The following KLHL26 variants were observed in gnomAD, a reference collection of about 807,000 sequenced individuals.
KLHL26 encodes the protein kelch-like protein 26.
In KLHL26, 4 loss-of-function variants were observed where a neutral mutation model predicts 7.1. That is an observed-to-expected ratio of 0.56 (90% CI 0.28 to 1.28). The LOEUF is 1.28. KLHL26 is among the 50% of genes most tolerant of loss of function. KLHL26 has a pLI of 0.11. For missense variants in KLHL26, 896 were observed against 924.6 expected (o/e 0.97, Z 0.40); for synonymous variants, 465 against 414.1 (o/e 1.12, Z -1.49).
rs2052336729 is a variant in KLHL26 at position 18,656,631 on chromosome 19, T to C, written c.84-7630T>C. ...CCTCCTTCGCAGGGGTCAGAGGGCA[T>C]CCATGCAGGACGCTGTGTGAGTTGG... On this transcript the variant is annotated intron_variant, in intron 1 of 2. Transcript: ENST00000300976. This position sits in a 1 kb window ranked among gnomAD's most constrained non-coding sequence, Gnocchi z 4.4. 6.6e-6 allele frequency among the ~76,000 whole-genome samples: 1 copy of C among 151,400 alleles called. No individual in the cohort carries two copies.
chr19:18,647,820 C>T (rs1429419777), intron 1 of KLHL26, among the ~76,000 whole-genome samples: 1 of 152,174 alleles, frequency 6.6e-6, no homozygotes, highest in Non-Finnish European at 1.5e-5. Context: ...CCGGCATCCC[C>T]AGCTCTTTGC....
In KLHL26 at chr19:18,667,704, G is replaced by A. The variant is rs144914430; in HGVS notation, c.307G>A (p.Val103Ile). 2.5e-5 allele frequency: 40 copies of A among 1,612,978 alleles called. No individual in the cohort carries two copies. The African/African-American group carries it at 3.5e-4, about 14-fold the overall frequency. ...CGGCATGCGGGAGGCAAGCCAGGAC[G>A]TCATCGAGCTGAAGGGCGTGTCGGC... ...TGGMREASQDVIELKGVSARG... is the reference protein window; with the variant it reads ...TGGMREASQDIIELKGVSARG... Residue 103 changes from valine (V) to isoleucine (I), a missense_variant, in exon 3 of 3, where the codon GTC becomes ATC. Transcript: ENST00000300976.
At position 18,669,182 on chromosome 19, in the gene KLHL26, G is replaced by C; in HGVS notation, c.1785G>C (p.Pro595=). The part of the protein sequence containing the change: ...TDEWERDLHF[P]ESFAGIACAP... ...AGTGGGAGCGGGACCTGCACTTCCC[G>C]GAGTCCTTCGCAGGCATAGCCTGCG... The change falls in exon 3 of 3, where the codon CCG becomes CCC. Residue 595 remains proline, a synonymous_variant. Coordinates refer to ENST00000300976, the MANE Select transcript of KLHL26 (RefSeq NM_018316.3). 6 of 1,612,600 alleles carry C rather than the reference G, an allele frequency of 3.7e-6. No homozygotes were observed. The highest frequency in any genetic ancestry group is 5.1e-6 in the Non-Finnish European group (6 of 1,179,956).
intron 1 of KLHL26, chr19:18,644,504 G>T (rs1976767398): frequency 6.6e-6 from 1 of 152,164 alleles, no homozygotes; most frequent in Admixed American, 6.6e-5. Context: ...TGTTTCTCTG[G>T]TGCCTTGAGG....
chr19:18,645,159 A>G (rs1976779946), intron 1 of KLHL26, among the ~76,000 whole-genome samples: 1 of 152,092 alleles, frequency 6.6e-6, no homozygotes, highest in African/African-American at 2.4e-5. Flanking sequence ...TCCTTGCTGC[A>G]AGCACAAAGG....
intron 1 of KLHL26, among the ~76,000 whole-genome samples, chr19:18,654,680 T>C (rs898543540): frequency 1.3e-5 from 2 of 151,236 alleles, no homozygotes; most frequent in Non-Finnish European, 3.0e-5. Flanking sequence ...CACCTATCCA[T>C]CTACCCACCC....
rs1434350971 is a variant in KLHL26 at position 18,668,743 on chromosome 19, G to C, written c.1346G>C (p.Arg449Pro). 1 of 1,585,428 alleles carries C rather than the reference G, an allele frequency of 6.3e-7. No individual in the cohort carries two copies. Among genetic ancestry groups the C allele is most frequent in the Non-Finnish European group, 8.5e-7 (1 of 1,172,926 alleles). ...GGCTACGCCTGCTCGCTGAAGCGCCGTACCTGGGGCCATGCTGGGGCCGCC... is the reference window on the plus strand; with the variant it reads ...GGCTACGCCTGCTCGCTGAAGCGCCCTACCTGGGGCCATGCTGGGGCCGCC... ...EWGYACSLKR[R>P]TWGHAGAASG... The change falls in exon 3 of 3, where the codon CGT (arginine) becomes CCT (proline). Residue 449 changes from arginine to proline, a missense_variant. Arg to Pro is a moderately radical substitution (Grantham distance 103). Transcript: ENST00000300976.
Position 18,666,339 on chromosome 19 carries a change from C to T in KLHL26, c.267-1325C>T, listed in dbSNP as rs536592487. On this transcript the variant is annotated intron_variant, in intron 2 of 2. Transcript: ENST00000300976. ...GACTAGGGGACAGGCCTCTGTGGGTCAAATGCACAAGGGATGTTCCCTCCT... is the reference window on the plus strand; with the variant it reads ...GACTAGGGGACAGGCCTCTGTGGGTTAAATGCACAAGGGATGTTCCCTCCT... 3.3e-5 allele frequency among the ~76,000 whole-genome samples: 5 copies of T among 152,178 alleles called. No individual in the cohort carries two copies. In the South Asian group the frequency reaches 1.0e-3, roughly 32 times the overall value.
At chr19:18,651,588 A>G (rs1471311325) in intron 1 of KLHL26, among the ~76,000 whole-genome samples, 1 of 152,234 alleles carries the variant, frequency 6.6e-6, no homozygotes, top group East Asian at 1.9e-4. Flanking sequence ...TGTCTTTGGA[A>G]GGTGCTGGGC....
At chr19:18,659,309 C>T (rs12980154) in intron 1 of KLHL26, among the ~76,000 whole-genome samples, 70,299 of 151,970 alleles carry the variant, frequency 0.46, 17,106 homozygotes, top group African/African-American at 0.62. Flanking sequence ...GCTTCTCAGC[C>T]GGCCCTGACA....
rs747039027 is a variant in KLHL26, at chr19:18,664,210, A to AGT, written c.84-41_84-40dup. ...CACTGAGTGTTGTGTTCAAGGTAAT[A>AGT]GTGTGTGTGTGAACCTCTGGGCCAT... is the stretch of plus-strand genomic sequence containing the variant. On this transcript the variant is annotated intron_variant, in intron 1 of 2. Transcript: ENST00000300976. The AGT allele has an allele frequency of 8.0e-6, 12 of 1,492,082 alleles. No individual in the cohort carries two copies. In the South Asian group the frequency reaches 8.8e-5, roughly 11 times the overall value. 92.4% of individuals were successfully genotyped at this position (1,492,082 alleles called of 1,614,324 possible).
At position 18,648,009 on chromosome 19, in the gene KLHL26, G is replaced by C. The variant is rs1976836117; in HGVS notation, c.83+10872G>C. Among the ~76,000 whole-genome samples, 1 of 152,210 alleles carries C rather than the reference G, an allele frequency of 6.6e-6. No individual in the cohort carries two copies. Among genetic ancestry groups the C allele is most frequent in the African/African-American group, 2.4e-5 (1 of 41,456 alleles). ...ACGTCGTGCGGTCATTTCCGGGCTGGCTGGGCCAGGGGGCCAGGGCAGGGT... is the reference window on the plus strand; with the variant it reads ...ACGTCGTGCGGTCATTTCCGGGCTGCCTGGGCCAGGGGGCCAGGGCAGGGT... On this transcript the variant is annotated intron_variant, in intron 1 of 2. Coordinates refer to ENST00000300976, the MANE Select transcript of KLHL26 (RefSeq NM_018316.3). This position sits in a 1 kb window ranked among gnomAD's most constrained non-coding sequence, Gnocchi z 4.9.
chr19:18,666,320 G>A (rs1281624608), intron 2 of KLHL26, among the ~76,000 whole-genome samples: 2 of 151,980 alleles, frequency 1.3e-5, no homozygotes, highest in African/African-American at 2.4e-5. Flanking sequence ...GCAAGACTAG[G>A]GGACAGGCCT....
At chr19:18,655,773 G>GCA (rs1161440850) in intron 1 of KLHL26, among the ~76,000 whole-genome samples, 8 of 124,794 alleles carry the variant, frequency 6.4e-5, no homozygotes, top group African/African-American at 9.4e-5. Context: ...TTGGATGGTG[G>GCA]GGCTTCCTCT....
intron 1 of KLHL26, among the ~76,000 whole-genome samples, chr19:18,663,789 G>A (rs1457650964): frequency 1.3e-5 from 2 of 151,578 alleles, no homozygotes; most frequent in East Asian, 3.9e-4. Flanking sequence ...GGGGATGAGG[G>A]GGCAGTAGGG....
Position 18,650,455 on chromosome 19 carries a change from C to T in KLHL26, c.83+13318C>T, listed in dbSNP as rs570112226. 9.9e-5 allele frequency among the ~76,000 whole-genome samples: 15 copies of T among 152,270 alleles called. No individual in the cohort carries two copies. The highest frequency in any genetic ancestry group is 3.6e-4 in the African/African-American group (15 of 41,560). ...TCCTCTATCTGAAAAACTTCCAGGA[C>T]TGAAGTTCGAGTTGGAAGCACGCGT... On this transcript the variant is annotated intron_variant, in intron 1 of 2. Coordinates refer to ENST00000300976, the MANE Select transcript of KLHL26 (RefSeq NM_018316.3). This position sits in a 1 kb window ranked among gnomAD's most constrained non-coding sequence, Gnocchi z 4.2.
intron 1 of KLHL26, 149 bp from the exon 2 acceptor site, chr19:18,664,112 C>T (rs533386886): frequency 4.5e-4 from 226 of 506,850 alleles, no homozygotes; most frequent in Non-Finnish European, 6.1e-4. Flanking sequence ...CCTGTCTCTG[C>T]GGATTTGCCT....
chr19:18,667,608 C>G (rs774605576), intron 2 of KLHL26, 56 bp from the exon 3 acceptor site: 3 of 1,564,056 alleles, frequency 1.9e-6, no homozygotes, highest in South Asian at 2.4e-5. Context: ...TCATTCCTGG[C>G]TGGCCAAAAC....
chr19:18,642,161 T>C (rs1248333765), intron 1 of KLHL26, among the ~76,000 whole-genome samples: 6 of 152,172 alleles, frequency 3.9e-5, no homozygotes. Context: ...GTTCGTCTGT[T>C]CCTTCATTTA....
Sources: allele counts gnomAD v4.1 joint callset (sites outside exome capture counted in the v4.1 genomes callset), GRCh38; gene constraint gnomAD v4.1.1; non-coding constraint Gnocchi (gnomAD v3.1); transcripts MANE v1.5; gene names NCBI Gene and HGNC (gene_info 2026-07-23, HGNC 2026-07-21).